Variants in ADAMTS3 observed in about 807,000 individuals in gnomAD.
ADAMTS3 encodes A disintegrin and metalloproteinase with thrombospondin motifs 3.
In ADAMTS3, 73 loss-of-function variants were observed where a neutral mutation model predicts 129.0. That is an observed-to-expected ratio of 0.57 (90% confidence interval 0.47 to 0.69). The LOEUF (loss-of-function observed/expected upper bound fraction) is 0.69, where lower values mean the gene tolerates loss of function less well. Among genes scored for constraint, ADAMTS3 ranks in the 30% least tolerant of loss-of-function variants. The pLI, the probability that ADAMTS3 is intolerant of heterozygous loss-of-function variation, is 0.00. For synonymous variants in ADAMTS3, 477 were observed against 510.8 expected (o/e 0.93, Z 0.89); for missense variants, 1,457 against 1,514.5 (o/e 0.96, Z 0.63).
chr4:72,462,974 C>T (rs1236099214), intron 3 of ADAMTS3, among the ~76,000 whole-genome samples: 1 of 151,892 alleles, frequency 6.6e-6, no homozygotes, highest in Non-Finnish European at 1.5e-5. Context: ...TTCACAGTAA[C>T]ACATCGCTCA....
At chr4:72,405,549 A>G (rs1395692698) in intron 4 of ADAMTS3, among the ~76,000 whole-genome samples, 1 of 152,172 alleles carries the variant, frequency 6.6e-6, no homozygotes. Context: ...CCTGGAGACT[A>G]TATCACAAAC....
In ADAMTS3 at chr4:72,282,187, CT is replaced by C. The variant is rs774069590; in HGVS notation, c.*948del. 1.3e-5 allele frequency: 2 copies of C among 152,126 alleles called. No individual in the cohort carries two copies. Among genetic ancestry groups the C allele is most frequent in the Non-Finnish European group, 2.9e-5 (2 of 68,012 alleles). 9.4% of individuals were successfully genotyped at this position (152,126 alleles called of 1,614,324 possible). ...GTACATTGAGTATAACTGTTTGTAT[CT>C]GTCAACAATGCGAAAATTAAAAAAG... On this transcript the variant is annotated 3_prime_UTR_variant, in exon 22 of 22. Coordinates refer to ENST00000286657, the MANE Select transcript of ADAMTS3 (RefSeq NM_014243.3).
chr4:72,392,534 C>T (rs1721622748), intron 4 of ADAMTS3, among the ~76,000 whole-genome samples: 1 of 152,182 alleles, frequency 6.6e-6, no homozygotes, highest in South Asian at 2.1e-4. Context: ...TTTCTTGTCT[C>T]TACCTGACCC....
rs191476858 is a variant in ADAMTS3 at position 72,372,284 on chromosome 4, A to C, written c.662-32591T>G. Reference sequence around the variant, plus strand: ...AGAAGCATAAAGAATAAAAAAAATCAGTGCTGGCAAAAATTGAATCTGTGG... The same window carrying C: ...AGAAGCATAAAGAATAAAAAAAATCCGTGCTGGCAAAAATTGAATCTGTGG... On this transcript the variant is annotated intron_variant, in intron 4 of 21. Transcript: ENST00000286657. Among the ~76,000 whole-genome samples the C allele has an allele frequency of 3.2e-3, 481 of 152,246 alleles. 2 individuals carry two copies. Among genetic ancestry groups the C allele is most frequent in the African/African-American group, 0.011 (457 of 41,574 alleles).
At chr4:72,322,977 C>T (rs1452275443) in intron 6 of ADAMTS3, 37 bp downstream of exon 6, 2 of 1,506,032 alleles carry the variant, frequency 1.3e-6, no homozygotes, top group Non-Finnish European at 1.8e-6. Flanking sequence ...CTAACCCAGT[C>T]CCTAATGTTT....
chr4:72,487,990 A>G (rs1719635461), intron 3 of ADAMTS3, among the ~76,000 whole-genome samples: 1 of 152,038 alleles, frequency 6.6e-6, no homozygotes, highest in Non-Finnish European at 1.5e-5. Context: ...GAAAGAAAAA[A>G]ATAAATAAAT....
chr4:72,486,037 A>G lies in ADAMTS3; in HGVS notation c.504+62441T>C, dbSNP rs184982580. 2.0e-3 allele frequency among the ~76,000 whole-genome samples: 306 copies of G among 152,330 alleles called. 1 individual carries two copies. Among genetic ancestry groups the G allele is most frequent in the African/African-American group, 6.9e-3 (288 of 41,578 alleles). On this transcript the variant is annotated intron_variant, in intron 3 of 21. Coordinates refer to ENST00000286657, the MANE Select transcript of ADAMTS3 (RefSeq NM_014243.3). The stretch of plus-strand genomic sequence containing the variant: ...AATTTCTGTTGTTTAGAAATTACCC[A>G]TTCTTACATGTTTCCATATAGCAGC...
intron 3 of ADAMTS3, among the ~76,000 whole-genome samples, chr4:72,529,725 ATTAATATATATTTAT>A (rs1720915667): frequency 1.0e-5 from 1 of 97,542 alleles, no homozygotes; most frequent in South Asian, 2.7e-4. Context: ...ATATATATTA[ATTAATATATATTTAT>A]TTAATATATT....
At chr4:72,371,998 G>T (rs763799682) in intron 4 of ADAMTS3, among the ~76,000 whole-genome samples, 2 of 151,954 alleles carry the variant, frequency 1.3e-5, no homozygotes, top group Non-Finnish European at 2.9e-5. Flanking sequence ...CTTCATATGT[G>T]AAAGTAGCCC....
At chr4:72,449,429 G>T (rs537144494) in intron 3 of ADAMTS3, among the ~76,000 whole-genome samples, 54 of 151,662 alleles carry the variant, frequency 3.6e-4, no homozygotes, top group African/African-American at 1.1e-3. Context: ...CATTATCATT[G>T]TCTTCTCTCT....
At chr4:72,549,179 T>C (rs562376243) in intron 2 of ADAMTS3, among the ~76,000 whole-genome samples, 2 of 152,328 alleles carry the variant, frequency 1.3e-5, no homozygotes, top group South Asian at 2.1e-4. Flanking sequence ...GTCCATAAAC[T>C]ATAAATGGCT....
At chr4:72,289,556 A>T (rs1718605214) in intron 20 of ADAMTS3, among the ~76,000 whole-genome samples, 1 of 152,202 alleles carries the variant, frequency 6.6e-6, no homozygotes, top group Non-Finnish European at 1.5e-5. Flanking sequence ...TGTTATCATT[A>T]TCATCCTATG....
At chr4:72,461,930 C>T (rs1021755038) in intron 3 of ADAMTS3, among the ~76,000 whole-genome samples, 1 of 151,830 alleles carries the variant, frequency 6.6e-6, no homozygotes, top group Non-Finnish European at 1.5e-5. Flanking sequence ...TCTACTTCAT[C>T]CTTTATCGCT....
intron 4 of ADAMTS3, among the ~76,000 whole-genome samples, chr4:72,364,943 T>C (rs957980108): frequency 6.6e-6 from 1 of 152,170 alleles, no homozygotes; most frequent in Non-Finnish European, 1.5e-5. Flanking sequence ...GCACTTTCTA[T>C]GCTATATTAT....
intron 3 of ADAMTS3, among the ~76,000 whole-genome samples, chr4:72,498,363 G>T (rs1719922143): frequency 6.6e-6 from 1 of 151,582 alleles, no homozygotes; most frequent in Non-Finnish European, 1.5e-5. Flanking sequence ...TAAAAAAAAA[G>T]ACATCAGAAC....
chr4:72,550,111 A>C (rs34377393), intron 2 of ADAMTS3, among the ~76,000 whole-genome samples: 1 of 96,164 alleles, frequency 1.0e-5, no homozygotes, highest in Non-Finnish European at 2.3e-5. Flanking sequence ...AAGAAGAAGA[A>C]GAAGAAGGCA....
chr4:72,561,514 AG>A (rs1721904146), intron 2 of ADAMTS3, among the ~76,000 whole-genome samples: 1 of 152,202 alleles, frequency 6.6e-6, no homozygotes. Flanking sequence ...CAAAAAAAAA[AG>A]AAAGAAAAAA....
chr4:72,384,343 A>C (rs1043596495), intron 4 of ADAMTS3, among the ~76,000 whole-genome samples: 4 of 152,200 alleles, frequency 2.6e-5, no homozygotes, highest in Admixed American at 2.6e-4. Context: ...ACAAAAAGAA[A>C]TAAAACCACA....
At chr4:72,364,275 CT>C (rs1475699503) in intron 4 of ADAMTS3, among the ~76,000 whole-genome samples, 1 of 152,048 alleles carries the variant, frequency 6.6e-6, no homozygotes, top group Non-Finnish European at 1.5e-5. Context: ...AAATATTTTT[CT>C]TTTTGTTTAC....
Sources: allele counts gnomAD v4.1 joint callset (sites outside exome capture counted in the v4.1 genomes callset), GRCh38; gene constraint gnomAD v4.1.1; transcripts MANE v1.5; gene names NCBI Gene and HGNC (gene_info 2026-07-23, HGNC 2026-07-21).